LSAMP: variants seen among roughly 807,000 people sequenced by gnomAD.
The protein encoded by LSAMP is limbic system associated membrane protein.
Under a neutral mutation model 38.6 loss-of-function variants are expected in LSAMP, and 7 were observed. The observed-to-expected ratio is 0.18, with a 90% CI of 0.10 to 0.34. LSAMP has a LOEUF of 0.34. LSAMP is among the 10% of genes least tolerant of loss of function. The pLI is 1.00. For missense variants in LSAMP, 313 were observed against 420.0 expected, an observed-to-expected ratio of 0.75 and a Z score of 2.23; for synonymous variants, 154 against 166.8, an observed-to-expected ratio of 0.92 and a Z score of 0.59.
intron 1 of LSAMP, among the ~76,000 whole-genome samples, chr3:116,341,333 A>G (rs1055708779): frequency 6.6e-6 from 1 of 151,924 alleles, no homozygotes; most frequent in Non-Finnish European, 1.5e-5. Flanking sequence ...GTTCTATTGA[A>G]TCTCTTTTAA....
At chr3:115,853,354 T>C (rs1328892726) in intron 3 of LSAMP, among the ~76,000 whole-genome samples, 4 of 152,206 alleles carry the variant, frequency 2.6e-5, no homozygotes, top group African/African-American at 9.6e-5. Flanking sequence ...GTGCTGCTGA[T>C]GGTGTGTTTG....
intron 4 of LSAMP, among the ~76,000 whole-genome samples, chr3:115,850,795 A>C (rs949723026): frequency 1.3e-5 from 2 of 152,208 alleles, no homozygotes; most frequent in African/African-American, 4.8e-5. Flanking sequence ...AGAGGTCTGC[A>C]AGGCTGGAGA....
chr3:115,938,767 G>T (rs1937796938), intron 3 of LSAMP, among the ~76,000 whole-genome samples: 2 of 152,166 alleles, frequency 1.3e-5, no homozygotes, highest in African/African-American at 4.8e-5. Flanking sequence ...AACAGTTGCA[G>T]TCATGTTGTT....
chr3:115,843,727 T>C (rs1197282065), intron 4 of LSAMP, among the ~76,000 whole-genome samples: 1 of 152,174 alleles, frequency 6.6e-6, no homozygotes, highest in Non-Finnish European at 1.5e-5. Flanking sequence ...CTAAGTTTTC[T>C]ACCTATAGAA....
At chr3:116,070,484 T>A (rs1707574413) in intron 2 of LSAMP, among the ~76,000 whole-genome samples, 1 of 152,206 alleles carries the variant, frequency 6.6e-6, no homozygotes, top group South Asian at 2.1e-4. Context: ...CACTGAAATG[T>A]CAGACTATAA....
At chr3:116,069,641 T>C (rs2107377305) in intron 2 of LSAMP, among the ~76,000 whole-genome samples, 2 of 152,266 alleles carry the variant, frequency 1.3e-5, no homozygotes, top group Middle Eastern at 6.8e-3. Flanking sequence ...ATGTTATCAC[T>C]GACTGAAAAG....
chr3:115,907,734 T>C (rs1449925560), intron 3 of LSAMP, among the ~76,000 whole-genome samples: 3 of 152,160 alleles, frequency 2.0e-5, no homozygotes, highest in African/African-American at 4.8e-5. Context: ...AACTCAAAAA[T>C]AAAAAGTTTT....
At chr3:116,150,383 C>G (rs1290824339) in intron 1 of LSAMP, among the ~76,000 whole-genome samples, 1 of 151,982 alleles carries the variant, frequency 6.6e-6, no homozygotes, top group Non-Finnish European at 1.5e-5. Context: ...AACACCTATG[C>G]CTGTAGATTT....
chr3:116,126,983 AG>A (rs1458998207), intron 1 of LSAMP, among the ~76,000 whole-genome samples: 50 of 152,344 alleles, frequency 3.3e-4, no homozygotes, highest in African/African-American at 1.2e-3. Context: ...AAAATCTTTA[AG>A]GCATTTTGTG....
intron 1 of LSAMP, among the ~76,000 whole-genome samples, chr3:116,329,679 G>A (rs1273308658): frequency 6.6e-6 from 1 of 151,832 alleles, no homozygotes; most frequent in African/African-American, 2.4e-5. Flanking sequence ...TTTCGGAGGG[G>A]GACTTTATGA....
chr3:116,388,631 A>T (rs2048655071), intron 1 of LSAMP, among the ~76,000 whole-genome samples: 1 of 152,206 alleles, frequency 6.6e-6, no homozygotes, highest in Non-Finnish European at 1.5e-5. Context: ...TTTGGGGAAG[A>T]TTTGATTTTC....
intron 3 of LSAMP, among the ~76,000 whole-genome samples, chr3:115,906,585 T>C (rs1937012955): frequency 6.6e-6 from 1 of 152,002 alleles, no homozygotes; most frequent in Non-Finnish European, 1.5e-5. Context: ...AACTTTAGAG[T>C]CCCATTTCTC....
At chr3:116,326,995 C>T (rs1455675686) in intron 1 of LSAMP, among the ~76,000 whole-genome samples, 2 of 152,084 alleles carry the variant, frequency 1.3e-5, no homozygotes, top group African/African-American at 4.8e-5. Flanking sequence ...GGGTGGAGAC[C>T]ATAGCTGAGA....
intron 1 of LSAMP, among the ~76,000 whole-genome samples, chr3:116,212,682 T>C (rs1165557741): frequency 6.6e-6 from 1 of 152,200 alleles, no homozygotes; most frequent in Non-Finnish European, 1.5e-5. Flanking sequence ...ATAAAAATCA[T>C]CAAAACTTGT....
intron 3 of LSAMP, among the ~76,000 whole-genome samples, chr3:115,898,924 C>T (rs1375368837): frequency 6.6e-6 from 1 of 152,094 alleles, no homozygotes; most frequent in Admixed American, 6.6e-5. Context: ...GTCTGGGTTG[C>T]AGTGGCCAAG....
At chr3:115,885,254 C>T (rs1326783759) in intron 3 of LSAMP, among the ~76,000 whole-genome samples, 1 of 151,874 alleles carries the variant, frequency 6.6e-6, no homozygotes, top group Admixed American at 6.6e-5. Context: ...TGTTTCATTC[C>T]TCTTTAGGAG....
intron 1 of LSAMP, among the ~76,000 whole-genome samples, chr3:116,177,439 G>A (rs1366127941): frequency 6.6e-6 from 1 of 152,004 alleles, no homozygotes; most frequent in East Asian, 1.9e-4. Flanking sequence ...CACAAGGCAA[G>A]CAGGATATAG....
At chr3:115,978,496 A>G (rs1939256689) in intron 3 of LSAMP, among the ~76,000 whole-genome samples, 1 of 152,104 alleles carries the variant, frequency 6.6e-6, no homozygotes, top group Non-Finnish European at 1.5e-5. Context: ...GAATGTTTGA[A>G]TAACAATGGT....
intron 1 of LSAMP, among the ~76,000 whole-genome samples, chr3:116,201,114 C>G (rs999673554): frequency 1.3e-5 from 2 of 152,094 alleles, no homozygotes; most frequent in South Asian, 2.1e-4. Context: ...CTGTTTGATC[C>G]GCTCCCAGTC....
Sources: allele counts gnomAD v4.1 joint callset (sites outside exome capture counted in the v4.1 genomes callset), GRCh38; gene constraint gnomAD v4.1.1; transcripts MANE v1.5; gene names NCBI Gene and HGNC (gene_info 2026-07-23, HGNC 2026-07-21).